Variants in PDE1A observed in about 807,000 individuals in gnomAD.
PDE1A encodes phosphodiesterase 1A.
A neutral mutation model predicts 61.7 loss-of-function variants in PDE1A; 35 were observed. That is an observed-to-expected ratio of 0.57 (90% CI 0.43 to 0.75). The LOEUF (loss-of-function observed/expected upper bound fraction) is 0.75, where lower values mean the gene tolerates loss of function less well. Among genes scored for constraint, PDE1A ranks in the 30% least tolerant of loss-of-function variants. The pLI, the probability that PDE1A is intolerant of heterozygous loss-of-function variation, is 0.00. For synonymous variants in PDE1A, 232 were observed against 213.2 expected, an observed-to-expected ratio of 1.09 and a Z score of -0.77; for missense variants, 597 against 630.6, an observed-to-expected ratio of 0.95 and a Z score of 0.57.
At chr2:182,154,526 A>G (rs1690957082) in intron 13 of PDE1A, among the ~76,000 whole-genome samples, 1 of 152,162 alleles carries the variant, frequency 6.6e-6, no homozygotes, top group Non-Finnish European at 1.5e-5. Flanking sequence ...TAATTGAATC[A>G]TGGGGGCAGT....
intron 1 of PDE1A, among the ~76,000 whole-genome samples, chr2:182,279,698 C>A (rs187532172): frequency 6.6e-6 from 1 of 151,792 alleles, no homozygotes; most frequent in Non-Finnish European, 1.5e-5. Flanking sequence ...ATTTAATTTA[C>A]AAATACATAT....
intron 3 of PDE1A, among the ~76,000 whole-genome samples, chr2:182,236,639 G>A (rs1464203566): frequency 6.6e-6 from 1 of 152,080 alleles, no homozygotes; most frequent in Non-Finnish European, 1.5e-5. Context: ...ATAATTATAA[G>A]CTTTTTGTGT....
At chr2:182,252,195 T>C (rs1180827862) in intron 2 of PDE1A, among the ~76,000 whole-genome samples, 3 of 152,240 alleles carry the variant, frequency 2.0e-5, no homozygotes, top group African/African-American at 7.2e-5. Flanking sequence ...AGTTAGGTAT[T>C]AGCCCAGATG....
the PDE1A span, among the ~76,000 whole-genome samples, chr2:182,712,083 T>G: frequency 2.0e-5 from 3 of 152,234 alleles, no homozygotes; most frequent in African/African-American, 7.2e-5. Flanking sequence ...TCAGTTCTGT[T>G]AGATTCTTCC....
the PDE1A span, among the ~76,000 whole-genome samples, chr2:182,562,766 T>C: frequency 6.6e-6 from 1 of 152,198 alleles, no homozygotes; most frequent in African/African-American, 2.4e-5. Flanking sequence ...ATTCAACTTC[T>C]TCCTGGTTTA....
chr2:182,452,198 G>C (rs185812622), intron 2 of PDE1A, among the ~76,000 whole-genome samples: 1 of 152,042 alleles, frequency 6.6e-6, no homozygotes, highest in Admixed American at 6.6e-5. Context: ...ACAAACTGTG[G>C]TGCTGAGGTA....
chr2:182,233,638 G>A (rs1689760807), intron 4 of PDE1A, among the ~76,000 whole-genome samples: 1 of 152,030 alleles, frequency 6.6e-6, no homozygotes, highest in South Asian at 2.1e-4. Context: ...TAAATTCTTG[G>A]TTAATGTAGA....
At chr2:182,693,257 A>C in the PDE1A span, among the ~76,000 whole-genome samples, 1 of 152,172 alleles carries the variant, frequency 6.6e-6, no homozygotes, top group Non-Finnish European at 1.5e-5. Flanking sequence ...AATTTTGGTC[A>C]CTTATATTCA....
At chr2:182,353,146 T>C (rs145854053) in intron 1 of PDE1A, among the ~76,000 whole-genome samples, 207 of 152,312 alleles carry the variant, frequency 1.4e-3, no homozygotes, top group Non-Finnish European at 2.3e-3. Flanking sequence ...CACTTGCTCA[T>C]GGCAAAGTAG....
In PDE1A at chr2:182,194,941, C is replaced by A. The variant is rs113516239; in HGVS notation, c.1126-5881G>T. Among the ~76,000 whole-genome samples, 310 of 151,156 alleles carry A rather than the reference C, an allele frequency of 2.1e-3. 2 individuals are homozygous for A. The highest frequency in any genetic ancestry group is 3.4e-3 in the Middle Eastern group (1 of 294). On this transcript the variant is annotated intron_variant, in intron 10 of 13. Transcript: ENST00000351439. The stretch of plus-strand genomic sequence containing the variant: ...CACGAACCTTTCTTGAAAGGTTGCT[C>A]TTGAAAAATTCTAAAAATCAGCTCT...
chr2:182,474,347 G>A (rs79648306), intron 2 of PDE1A, among the ~76,000 whole-genome samples: 1,535 of 152,004 alleles, frequency 0.01, 21 homozygotes, highest in African/African-American at 0.035. Context: ...TGCCTCAGGC[G>A]TCATGTGCAG....
At chr2:182,573,397 TA>T in the PDE1A span, among the ~76,000 whole-genome samples, 3 of 151,984 alleles carry the variant, frequency 2.0e-5, no homozygotes, top group East Asian at 1.9e-4. Context: ...AATCATTTTT[TA>T]AAAAAAATAC....
chr2:182,457,443 C>CA (rs1353349451), intron 2 of PDE1A, among the ~76,000 whole-genome samples: 6 of 151,810 alleles, frequency 4.0e-5, no homozygotes, highest in African/African-American at 1.2e-4. Flanking sequence ...TGTGTGTAAA[C>CA]AAAAAAATTA....
upstream of PDE1A, among the ~76,000 whole-genome samples, chr2:182,524,220 T>A (rs1245965262): frequency 6.6e-6 from 1 of 152,166 alleles, no homozygotes; most frequent in Non-Finnish European, 1.5e-5. Context: ...AATGAAACAG[T>A]CAACAAACAT....
chr2:182,155,902 A>G (rs540312502), intron 13 of PDE1A, among the ~76,000 whole-genome samples: 1 of 152,182 alleles, frequency 6.6e-6, no homozygotes, highest in East Asian at 1.9e-4. Flanking sequence ...AATAATAATA[A>G]TAATCCCCAC....
chr2:182,596,001 A>T, the PDE1A span, among the ~76,000 whole-genome samples: 2 of 152,226 alleles, frequency 1.3e-5, no homozygotes, highest in East Asian at 3.8e-4. Context: ...GGAGTAACTT[A>T]AAGTAGGTGA....
chr2:182,650,092 AAGAG>A, the PDE1A span, among the ~76,000 whole-genome samples: 1 of 151,946 alleles, frequency 6.6e-6, no homozygotes, highest in Non-Finnish European at 1.5e-5. Flanking sequence ...CTCTCCAAAA[AAGAG>A]AGAGAGAGAC....
At chr2:182,709,807 T>C in the PDE1A span, among the ~76,000 whole-genome samples, 2 of 152,254 alleles carry the variant, frequency 1.3e-5, no homozygotes, top group Non-Finnish European at 2.9e-5. Context: ...GTCAATTATC[T>C]GAAGTAGAGA....
intron 7 of PDE1A, among the ~76,000 whole-genome samples, chr2:182,219,854 A>G (rs1273131411): frequency 6.6e-6 from 1 of 152,126 alleles, no homozygotes; most frequent in African/African-American, 2.4e-5. Context: ...TTGCTTCTGT[A>G]TAATAATCAT....
Sources: gnomAD v4.1 joint callset for allele counts (sites outside exome capture counted in the v4.1 genomes callset) on GRCh38, gnomAD v4.1.1 for gene constraint, MANE v1.5 for transcripts, NCBI Gene and HGNC (gene_info 2026-07-23, HGNC 2026-07-21) for gene names.